The following PRKN variants were observed in gnomAD, a reference collection of about 807,000 sequenced individuals.
PRKN encodes E3 ubiquitin-protein ligase parkin.
In PRKN, 56 loss-of-function variants were observed where a neutral mutation model predicts 59.5. That is an observed-to-expected ratio of 0.94 (90% CI 0.76 to 1.18). The LOEUF is 1.18. Among genes scored for constraint, PRKN ranks in the 50% most tolerant of loss-of-function variants. The probability of loss-of-function intolerance (pLI) is 0.00; values close to 1 mark genes in which losing one functional copy is unlikely to be tolerated. For synonymous variants in PRKN, 250 were observed against 222.1 expected, an observed-to-expected ratio of 1.13 and a Z score of -1.12; for missense variants, 657 against 596.4, an observed-to-expected ratio of 1.10 and a Z score of -1.06.
chr6:162,036,456 T>C (rs1479537317), intron 5 of PRKN, among the ~76,000 whole-genome samples: 1 of 151,892 alleles, frequency 6.6e-6, no homozygotes, highest in Admixed American at 6.6e-5. Flanking sequence ...CTCGGCTCAC[T>C]GCAACCTCTG....
intron 7 of PRKN, among the ~76,000 whole-genome samples, chr6:161,664,571 T>C (rs1355909227): frequency 6.6e-6 from 1 of 152,186 alleles, no homozygotes; most frequent in Non-Finnish European, 1.5e-5. Context: ...AAATTGTGAC[T>C]AGTCATTTAA....
At chr6:162,641,973 T>C (rs1425648178) in intron 1 of PRKN, among the ~76,000 whole-genome samples, 1 of 152,240 alleles carries the variant, frequency 6.6e-6, no homozygotes, top group East Asian at 1.9e-4. Context: ...CCACACTCAT[T>C]ATTCTCTTCA....
chr6:162,291,281 G>A (rs1411862310), intron 2 of PRKN, among the ~76,000 whole-genome samples: 2 of 151,894 alleles, frequency 1.3e-5, no homozygotes, highest in African/African-American at 2.4e-5. Flanking sequence ...CATTGGCATC[G>A]TCTACTGCCA....
chr6:162,526,983 G>A (rs960778679), intron 1 of PRKN, among the ~76,000 whole-genome samples: 2 of 152,072 alleles, frequency 1.3e-5, no homozygotes, highest in African/African-American at 4.8e-5. Context: ...AATAACCTGT[G>A]TGAGGCTTGA....
intron 1 of PRKN, among the ~76,000 whole-genome samples, chr6:162,580,355 A>G (rs919588292): frequency 2.0e-5 from 3 of 151,804 alleles, no homozygotes; most frequent in African/African-American, 7.3e-5. Context: ...GGAGGATCAC[A>G]TGAGCCCAGG....
intron 9 of PRKN, among the ~76,000 whole-genome samples, chr6:161,491,115 A>G (rs559900144): frequency 6.6e-6 from 1 of 152,222 alleles, no homozygotes; most frequent in Non-Finnish European, 1.5e-5. Flanking sequence ...ATGAACTATT[A>G]CAGATACCAT....
chr6:162,465,936 C>G (rs976014249), intron 1 of PRKN, among the ~76,000 whole-genome samples: 1 of 152,080 alleles, frequency 6.6e-6, no homozygotes, highest in East Asian at 1.9e-4. Flanking sequence ...ACTAATATAT[C>G]TTAATGTATT....
At chr6:162,307,410 A>AAAC (rs1411402561) in intron 2 of PRKN, among the ~76,000 whole-genome samples, 2 of 150,978 alleles carry the variant, frequency 1.3e-5, no homozygotes, top group African/African-American at 4.9e-5. Context: ...TAAAAAAAAA[A>AAAC]AAAAAAAACA....
chr6:162,043,287 A>T (rs543267348), intron 5 of PRKN, among the ~76,000 whole-genome samples: 1 of 152,170 alleles, frequency 6.6e-6, no homozygotes, highest in African/African-American at 2.4e-5. Context: ...CATATCAATA[A>T]CCCTGAGGAA....
At chr6:161,661,362 T>A (rs1784538211) in intron 7 of PRKN, among the ~76,000 whole-genome samples, 3 of 152,108 alleles carry the variant, frequency 2.0e-5, no homozygotes, top group Non-Finnish European at 4.4e-5. Context: ...ACAGGAGCCA[T>A]CTCAGGGCCT....
chr6:161,687,885 T>A (rs973792648), intron 7 of PRKN, among the ~76,000 whole-genome samples: 1 of 152,224 alleles, frequency 6.6e-6, no homozygotes, highest in African/African-American at 2.4e-5. Flanking sequence ...CTTACTTAAT[T>A]TGAAGAATGT....
Position 161,581,055 on chromosome 6 carries a change from C to T in PRKN, c.872-11639G>A, listed in dbSNP as rs1781320017. On this transcript the variant is annotated intron_variant, in intron 7 of 11. Transcript: ENST00000366898. The surrounding 1 kb of genome is among the most constrained non-coding windows in gnomAD (Gnocchi z 4.5). ...TGTCTCTACTAAACACACACACACACACACACACACACACACACACAAAAT... is the reference window on the plus strand; with the variant it reads ...TGTCTCTACTAAACACACACACACATACACACACACACACACACACAAAAT... 1.3e-5 allele frequency among the ~76,000 whole-genome samples: 2 copies of T among 151,166 alleles called. No individual in the cohort carries two copies. The highest frequency in any genetic ancestry group is 3.0e-5 in the Non-Finnish European group (2 of 67,790).
intron 9 of PRKN, among the ~76,000 whole-genome samples, chr6:161,491,452 A>C (rs1203975527): frequency 6.6e-6 from 1 of 152,152 alleles, no homozygotes; most frequent in African/African-American, 2.4e-5. Flanking sequence ...TAAGAGTATA[A>C]TGTGAGTTGG....
intron 6 of PRKN, among the ~76,000 whole-genome samples, chr6:161,821,775 G>A (rs1792043122): frequency 1.0e-5 from 1 of 100,144 alleles, no homozygotes; most frequent in Non-Finnish European, 2.0e-5. Flanking sequence ...TTGAGATGCA[G>A]TCTCATTCTG....
intron 1 of PRKN, among the ~76,000 whole-genome samples, chr6:162,544,008 A>AT (rs1283998290): frequency 6.6e-6 from 1 of 152,194 alleles, no homozygotes; most frequent in Non-Finnish European, 1.5e-5. Flanking sequence ...AGCTTATTGC[A>AT]ATCATTTCAT....
rs1415311704 is a variant in PRKN at position 162,252,880 on chromosome 6, G to T, written c.412+9645C>A. The stretch of plus-strand genomic sequence containing the variant: ...TCCCATTTTCAAAAAGCTTATCAAT[G>T]AGTGAATAAACAAATGTTGTTTTCA... On this transcript the variant is annotated intron_variant, in intron 3 of 11. Transcript: ENST00000366898. 4.6e-5 allele frequency among the ~76,000 whole-genome samples: 7 copies of T among 152,224 alleles called. No individual in the cohort carries two copies. In the South Asian group the frequency reaches 6.2e-4, roughly 14 times the overall value.
Position 161,445,204 on chromosome 6 carries a change from G to C in PRKN, c.1084-58327C>G, listed in dbSNP as rs1789428692. ...GTGTACAGCAGTCAGACAGGAACGG[G>C]GAGAGGGGGCTCAACTTTCTGACGG... On this transcript the variant is annotated intron_variant, in intron 9 of 11. Transcript: ENST00000366898. The surrounding 1 kb of genome is among the most constrained non-coding windows in gnomAD (Gnocchi z 7.7). Among the ~76,000 whole-genome samples the C allele has an allele frequency of 1.3e-5, 2 of 152,146 alleles. No homozygotes were observed. Among genetic ancestry groups the C allele is most frequent in the Non-Finnish European group, 2.9e-5 (2 of 68,034 alleles).
At chr6:162,705,357 C>T (rs1778301937) in intron 1 of PRKN, among the ~76,000 whole-genome samples, 1 of 152,172 alleles carries the variant, frequency 6.6e-6, no homozygotes, top group South Asian at 2.1e-4. Flanking sequence ...TGTGAGACCT[C>T]AGGGCCAGGC....
At chr6:161,571,146 T>G (rs928076032) in intron 7 of PRKN, among the ~76,000 whole-genome samples, 11 of 152,152 alleles carry the variant, frequency 7.2e-5, no homozygotes, top group Non-Finnish European at 1.6e-4. Flanking sequence ...GGTCTCACTA[T>G]GCTGTCCAGG....
Sources: gnomAD v4.1 joint callset for allele counts (sites outside exome capture counted in the v4.1 genomes callset) on GRCh38, gnomAD v4.1.1 for gene constraint, Gnocchi (gnomAD v3.1) non-coding constraint, MANE v1.5 for transcripts, NCBI Gene and HGNC (gene_info 2026-07-23, HGNC 2026-07-21) for gene names.